The following PPP2R2C variants were observed in gnomAD, a reference collection of about 807,000 sequenced individuals.
The protein encoded by PPP2R2C is protein phosphatase 2 regulatory subunit Bgamma.
Under a neutral mutation model 45.3 loss-of-function variants are expected in PPP2R2C, and 10 were observed. That is an observed-to-expected ratio of 0.22 (90% CI 0.14 to 0.37). The LOEUF (loss-of-function observed/expected upper bound fraction) is 0.37. Ranked by LOEUF, PPP2R2C falls within the 10% of genes least tolerant of loss-of-function variation. The pLI, the probability that PPP2R2C is intolerant of heterozygous loss-of-function variation, is 1.00. For synonymous variants in PPP2R2C, 257 were observed against 245.4 expected (o/e 1.05, Z -0.44); for missense variants, 308 against 619.7 (o/e 0.50, Z 5.34).
At position 6,320,732 on chromosome 4, in the gene PPP2R2C, G is replaced by T; in HGVS notation, c.*2570C>A. 1 of 152,442 alleles carries T rather than the reference G, an allele frequency of 6.6e-6. No individual in the cohort carries two copies. Among genetic ancestry groups the T allele is most frequent in the South Asian group, 2.1e-4 (1 of 4,864 alleles). The allele number at this position is 152,442 out of a possible 1,614,324, so 9.4% of individuals were successfully genotyped here. On this transcript the variant is annotated 3_prime_UTR_variant, in exon 9 of 9. Transcript: ENST00000382599. Reference sequence around the variant, plus strand: ...CCAAACTGATCAGGGCTGACAACTTGACCACCATGTATCCCACACCACCAC... The same window carrying T: ...CCAAACTGATCAGGGCTGACAACTTTACCACCATGTATCCCACACCACCAC...
In PPP2R2C at chr4:6,333,647, C is replaced by T. The variant is rs1222177679; in HGVS notation, c.875G>A (p.Ser292Asn). Residue 292 changes from serine (S) to asparagine (N), a missense_variant, in exon 7 of 9, where the codon AGC becomes AAC. Transcript: ENST00000382599. The stretch of plus-strand genomic sequence containing the variant: ...GTCCCGGGTGAGCATGTAGCGGCCG[C>T]TGTGGCTGAACTTCACGTCGGACAC... ...SSVSDVKFSHSGRYMLTRDYL... is the reference protein window; with the variant it reads ...SSVSDVKFSHNGRYMLTRDYL... The T allele has an allele frequency of 1.2e-6, 2 of 1,614,168 alleles. No individual in the cohort carries two copies. The highest frequency in any genetic ancestry group is 1.3e-5 in the African/African-American group (1 of 75,040).
At chr4:6,348,627 C>T in intron 5 of PPP2R2C, 1 of 985,000 alleles carries the variant, frequency 1.0e-6, no homozygotes, top group Non-Finnish European at 1.2e-6. Context: ...CTGTGCTCTC[C>T]AGACCCCAGG....
intron 1 of PPP2R2C, among the ~76,000 whole-genome samples, chr4:6,453,901 C>G (rs1289434805): frequency 6.6e-6 from 1 of 152,154 alleles, no homozygotes; most frequent in East Asian, 1.9e-4. Flanking sequence ...CAGGCTGCAC[C>G]CCCACCCGGC....
chr4:6,355,993 GAAAA>G (rs61011461), intron 5 of PPP2R2C, among the ~76,000 whole-genome samples: 1,384 of 97,836 alleles, frequency 0.014, 30 homozygotes, highest in African/African-American at 0.044. Context: ...ACTCTGCCTG[GAAAA>G]AAAAAAAAAA....
intron 3 of PPP2R2C, among the ~76,000 whole-genome samples, chr4:6,376,357 T>C (rs1381933385): frequency 6.6e-6 from 1 of 152,056 alleles, no homozygotes; most frequent in African/African-American, 2.4e-5. Flanking sequence ...GAAGCCAGGA[T>C]TCAAACCCAG....
In PPP2R2C at chr4:6,368,781, T is replaced by C. The variant is rs528787271; in HGVS notation, c.625+3742A>G. 1.1e-4 allele frequency among the ~76,000 whole-genome samples: 16 copies of C among 152,256 alleles called. No homozygotes were observed. The highest frequency in any genetic ancestry group is 3.6e-4 in the African/African-American group (15 of 41,556). On this transcript the variant is annotated intron_variant, in intron 5 of 8. Coordinates refer to ENST00000382599, the MANE Select transcript of PPP2R2C (RefSeq NM_020416.4). The surrounding 1 kb of genome is among the most constrained non-coding windows in gnomAD (Gnocchi z 4.2). ...ACTCTCTCTCCCCGGGTCTCCTTGC[T>C]GGTTCCCAAGCCGCCAGCCTTGTCT...
intron 5 of PPP2R2C, among the ~76,000 whole-genome samples, chr4:6,369,385 T>C (rs1714612107): frequency 6.6e-6 from 1 of 152,228 alleles, no homozygotes; most frequent in Non-Finnish European, 1.5e-5. Flanking sequence ...TGAGGCTACC[T>C]CCTATTTATG....
rs760321274 is a variant in PPP2R2C, at chr4:6,378,052, A to G, written c.334+355T>C. Among the ~76,000 whole-genome samples the G allele has an allele frequency of 1.1e-4, 17 of 152,178 alleles. No individual in the cohort carries two copies. The highest frequency in any genetic ancestry group is 2.5e-4 in the Non-Finnish European group (17 of 68,004). On this transcript the variant is annotated intron_variant, in intron 3 of 8. Transcript: ENST00000382599. The surrounding 1 kb of genome is among the most constrained non-coding windows in gnomAD (Gnocchi z 5.2). ...TCTGCGACCTGCATCCTTGTCCATC[A>G]CACTCCCTCACCCCAAAGCAAAGGC... is the stretch of plus-strand genomic sequence containing the variant.
At chr4:6,517,507 C>T (rs1173063432) in intron 2 of PPP2R2C, among the ~76,000 whole-genome samples, 5 of 152,200 alleles carry the variant, frequency 3.3e-5, no homozygotes, top group Admixed American at 2.0e-4. Context: ...ACTCCCTACA[C>T]GTCAGGTGCT....
chr4:6,363,414 T>C (rs1032348087), intron 5 of PPP2R2C, among the ~76,000 whole-genome samples: 1 of 151,714 alleles, frequency 6.6e-6, no homozygotes, highest in Admixed American at 6.6e-5. Context: ...CCGTCTCTAC[T>C]AAAAAATACA....
At chr4:6,384,873 G>A in intron 1 of PPP2R2C, 1 of 984,620 alleles carries the variant, frequency 1.0e-6, no homozygotes, top group Non-Finnish European at 1.2e-6. Flanking sequence ...AGTGCTGGTT[G>A]GAGTCTTGGC....
chr4:6,463,322 G>A (rs537736560), intron 1 of PPP2R2C, among the ~76,000 whole-genome samples: 30 of 152,020 alleles, frequency 2.0e-4, no homozygotes, highest in African/African-American at 6.7e-4. Context: ...CCCAAGCCCA[G>A]GTCCAGCCTC....
chr4:6,378,450 C>T lies in PPP2R2C; in HGVS notation c.291G>A (p.Trp97Ter). 6.2e-7 allele frequency: 1 copy of T among 1,614,196 alleles called. No homozygotes were observed. The change falls in exon 3 of 9, where the codon TGG (tryptophan) becomes TGA (stop). Residue 97 changes from tryptophan to a stop codon, truncating the protein, a stop_gained. Transcript: ENST00000382599. LOFTEE classifies it high-confidence loss of function. The surrounding 1 kb of genome is among the most constrained non-coding windows in gnomAD (Gnocchi z 5.2). ...EIEEKINKIK[W>*]LPQQNAAHSL... ...AGTGGGCGGCGTTCTGCTGTGGGAG[C>T]CACTTGATCTTGTTGATCTTCTCCT...
intron 2 of PPP2R2C, among the ~76,000 whole-genome samples, chr4:6,503,335 G>A (rs999110046): frequency 1.3e-5 from 2 of 152,100 alleles, no homozygotes; most frequent in African/African-American, 2.4e-5. Context: ...CACCACCCTG[G>A]AGTCCCTTGA....
chr4:6,486,184 T>A (rs1264745615), intron 2 of PPP2R2C, among the ~76,000 whole-genome samples: 1 of 152,060 alleles, frequency 6.6e-6, no homozygotes, highest in Non-Finnish European at 1.5e-5. Context: ...TATTTGGAGA[T>A]TTTCCAGAGC....
chr4:6,512,590 GTGA>G (rs1560595649), intron 2 of PPP2R2C, among the ~76,000 whole-genome samples: 93 of 127,308 alleles, frequency 7.3e-4, no homozygotes, highest in African/African-American at 2.6e-3. Flanking sequence ...GGTGGTGATG[GTGA>G]TGGTGGTGGT....
chr4:6,512,527 GTGA>G (rs1723674369), intron 2 of PPP2R2C, among the ~76,000 whole-genome samples: 1 of 105,188 alleles, frequency 9.5e-6, no homozygotes, highest in African/African-American at 3.6e-5. Context: ...GGTGGTGGTG[GTGA>G]TGGTGATGGT....
At chr4:6,375,381 C>T (rs1715218384) in intron 4 of PPP2R2C, among the ~76,000 whole-genome samples, 1 of 152,162 alleles carries the variant, frequency 6.6e-6, no homozygotes, top group African/African-American at 2.4e-5. Flanking sequence ...TCACACGGTC[C>T]AGGCTTCCTT....
chr4:6,372,387 C>G (rs2109296110), intron 5 of PPP2R2C, 136 bp downstream of exon 5: 2 of 891,110 alleles, frequency 2.2e-6, no homozygotes, highest in East Asian at 5.2e-5. Flanking sequence ...ATACTAGGAG[C>G]CAGAGGTGCC....
Sources: allele counts gnomAD v4.1 joint callset (sites outside exome capture counted in the v4.1 genomes callset), GRCh38; gene constraint gnomAD v4.1.1; non-coding constraint Gnocchi (gnomAD v3.1); transcripts MANE v1.5; gene names NCBI Gene and HGNC (gene_info 2026-07-23, HGNC 2026-07-21).